EMID1: variants seen among roughly 807,000 people sequenced by gnomAD.
EMID1 encodes the protein EMI domain containing 1, also known as EMI domain-containing protein 1.
A neutral mutation model predicts 60.6 loss-of-function variants in EMID1; 40 were observed. That is an observed-to-expected ratio of 0.66 (90% CI 0.51 to 0.86). EMID1 has a LOEUF of 0.86. Ranked by LOEUF, EMID1 falls within the 40% of genes least tolerant of loss-of-function variation. EMID1 has a pLI of 0.00. For missense variants in EMID1, 585 were observed against 597.1 expected, an observed-to-expected ratio of 0.98 and a Z score of 0.21; for synonymous variants, 242 against 231.0, an observed-to-expected ratio of 1.05 and a Z score of -0.43.
chr22:29,216,519 A>G (rs9625736), intron 3 of EMID1: 85,589 of 985,426 alleles, frequency 0.087, 4,636 homozygotes, highest in African/African-American at 0.24. Context: ...CCCCCACAGC[A>G]GCACATGAAC....
rs201268969 is a variant in EMID1, at chr22:29,258,860, C to T, written c.1248C>T (p.Thr416=). 1.7e-4 allele frequency: 282 copies of T among 1,613,168 alleles called. 2 individuals carry two copies. Among genetic ancestry groups the T allele is most frequent in the South Asian group, 1.0e-3 (92 of 91,074 alleles). The change falls in exon 15 of 15, where the codon ACC becomes ACT. Residue 416 remains threonine (T), a synonymous_variant. Transcript: ENST00000334018. Reference sequence around the variant, plus strand: ...GGGCGGGCCCTGCCGGCACAGGCACCCCCAGCCTCCTTCGGGGCAAGAGGG... The same window carrying T: ...GGGCGGGCCCTGCCGGCACAGGCACTCCCAGCCTCCTTCGGGGCAAGAGGG... The part of the protein sequence containing the change: ...GSGAGPAGTG[T]PSLLRGKRGG...
At chr22:29,216,263 C>G (rs902549026) in intron 3 of EMID1, 7 of 979,576 alleles carry the variant, frequency 7.1e-6, no homozygotes, top group Non-Finnish European at 8.5e-6. Context: ...GAGGAGGCAG[C>G]CTGGGCCTCC....
chr22:29,230,533 G>A (rs1452220300), intron 5 of EMID1, among the ~76,000 whole-genome samples: 2 of 152,206 alleles, frequency 1.3e-5, no homozygotes, highest in East Asian at 1.9e-4. Flanking sequence ...TGCGTGTTAT[G>A]AATTGTGTGC....
chr22:29,248,215 T>G (rs1284994303), intron 13 of EMID1, among the ~76,000 whole-genome samples: 1 of 151,054 alleles, frequency 6.6e-6, no homozygotes, highest in Non-Finnish European at 1.5e-5. Context: ...TGCTTCGGTC[T>G]CCCAAAGTGC....
intron 3 of EMID1, chr22:29,216,363 C>T: frequency 1.0e-6 from 1 of 985,472 alleles, no homozygotes; most frequent in Non-Finnish European, 1.2e-6. Flanking sequence ...CTCTCCCATC[C>T]TCACTGCCTG....
At chr22:29,258,457 A>C (rs1023755614) in intron 14 of EMID1, among the ~76,000 whole-genome samples, 4 of 152,138 alleles carry the variant, frequency 2.6e-5, no homozygotes, top group African/African-American at 9.7e-5. Flanking sequence ...CCAGCTACCA[A>C]ATGGGGATGA....
At chr22:29,234,471 G>A (rs1351436793) in intron 12 of EMID1, 122 bp downstream of exon 12, 2 of 1,164,850 alleles carry the variant, frequency 1.7e-6, no homozygotes, top group African/African-American at 3.1e-5. Context: ...TTTATTTTCA[G>A]ATGCTCCCTG....
chr22:29,226,017 G>C (rs1186334042), intron 4 of EMID1, among the ~76,000 whole-genome samples: 1 of 152,166 alleles, frequency 6.6e-6, no homozygotes, highest in East Asian at 1.9e-4. Context: ...CCTGGCCCCA[G>C]CCCTGCCCAG....
chr22:29,231,648 C>T lies in EMID1; in HGVS notation c.642C>T (p.Gly214=). 1 of 1,484,376 alleles carries T rather than the reference C, an allele frequency of 6.7e-7. No homozygotes were observed. 92.0% of individuals were successfully genotyped at this position (1,484,376 alleles called of 1,614,324 possible). ...CCACCGGCCCCAAGGGAGATGCCGG[C>T]AGTCGGGGCCCAATGGGGATGAGAG... The part of the protein sequence containing the change: ...PGPTGPKGDA[G]SRGPMGMRGP... The change falls in exon 7 of 15, where the codon GGC becomes GGT. Residue 214 remains glycine, a synonymous_variant. Coordinates refer to ENST00000334018, the MANE Select transcript of EMID1 (RefSeq NM_133455.4).
intron 8 of EMID1, 193 bp downstream of exon 8, chr22:29,232,595 A>T (rs2040792827): frequency 1.6e-6 from 1 of 637,138 alleles, no homozygotes; most frequent in Non-Finnish European, 2.5e-6. Context: ...CAGAGAGGGA[A>T]GGTGGCTTGC....
chr22:29,254,118 C>A, intron 13 of EMID1, 85 bp from the exon 14 acceptor site: 1 of 1,599,598 alleles, frequency 6.3e-7, no homozygotes, highest in South Asian at 1.1e-5. Flanking sequence ...GTGCATGTCC[C>A]GGGTGGGGCA....
intron 2 of EMID1, 194 bp downstream of exon 2, chr22:29,215,233 G>T: frequency 1.0e-6 from 1 of 985,430 alleles, no homozygotes; most frequent in Non-Finnish European, 1.2e-6. Flanking sequence ...GCTTCCTGAG[G>T]GATGGATACA....
At position 29,234,284 on chromosome 22, in the gene EMID1, C is replaced by T. The variant is rs779292744; in HGVS notation, c.1030-21C>T. 20 of 1,613,788 alleles carry T rather than the reference C, an allele frequency of 1.2e-5. No individual in the cohort carries two copies. The Middle Eastern group carries it at 8.3e-4, about 67-fold the overall frequency. ...AGAGTCCTCAACAGCTGACGCCATT[C>T]GTCTCCTCCCTCTTACACAGGGACT... On this transcript the variant is annotated intron_variant, in intron 11 of 14. Coordinates refer to ENST00000334018, the MANE Select transcript of EMID1 (RefSeq NM_133455.4).
chr22:29,253,180 C>G (rs762179393), intron 13 of EMID1, among the ~76,000 whole-genome samples: 6 of 152,186 alleles, frequency 3.9e-5, no homozygotes, highest in Non-Finnish European at 7.3e-5. Flanking sequence ...GATGGTGGCT[C>G]ACGCCTGTAA....
intron 13 of EMID1, among the ~76,000 whole-genome samples, chr22:29,252,793 A>G (rs1483220461): frequency 6.6e-6 from 1 of 152,048 alleles, no homozygotes; most frequent in Non-Finnish European, 1.5e-5. Context: ...TGCTAAGAGG[A>G]GAGGGCTGGG....
At chr22:29,216,252 A>G (rs1413330786) in intron 3 of EMID1, 65 of 969,004 alleles carry the variant, frequency 6.7e-5, no homozygotes, top group Non-Finnish European at 7.9e-5. Context: ...GCAGGGGCAC[A>G]GAGGAGGCAG....
chr22:29,258,654 C>T (rs140956090), intron 14 of EMID1, among the ~76,000 whole-genome samples, 163 bp from the exon 15 acceptor site: 2 of 152,300 alleles, frequency 1.3e-5, no homozygotes, highest in African/African-American at 4.8e-5. Context: ...GAGGCACCAA[C>T]CAATCTGCAG....
chr22:29,259,419 TG>T lies in EMID1; in HGVS notation c.*477del, dbSNP rs1444997459. On this transcript the variant is annotated 3_prime_UTR_variant, in exon 15 of 15. Transcript: ENST00000334018. ...AGGTCAGGCTGCCCAATCCTCTGAC[TG>T]GATCACCGGGGGCTTCTTGCCTCAG... 2 of 172,512 alleles carry T rather than the reference TG, an allele frequency of 1.2e-5. No homozygotes were observed. The highest frequency in any genetic ancestry group is 4.8e-5 in the African/African-American group (2 of 41,610). 10.7% of individuals were successfully genotyped at this position (172,512 alleles called of 1,614,324 possible). A position where few individuals can be genotyped will look rare whatever the true frequency, so the allele number is the denominator to read the frequency against.
At chr22:29,250,013 G>A (rs561315002) in intron 13 of EMID1, among the ~76,000 whole-genome samples, 4 of 152,316 alleles carry the variant, frequency 2.6e-5, no homozygotes, top group African/African-American at 9.6e-5. Context: ...AAGCCAAGGT[G>A]GGAGGCTCTT....
Sources: gnomAD v4.1 joint callset for allele counts (sites outside exome capture counted in the v4.1 genomes callset) on GRCh38, gnomAD v4.1.1 for gene constraint, MANE v1.5 for transcripts, NCBI Gene and HGNC (gene_info 2026-07-23, HGNC 2026-07-21) for gene names.